Variants in HEATR5B observed in about 807,000 individuals in gnomAD.
The protein encoded by HEATR5B is HEAT repeat containing 5B.
HEATR5B carries 156 observed loss-of-function variants against 224.1 expected under a neutral mutation model. The ratio of observed to expected loss-of-function variants is 0.70; its 90% CI spans 0.61 to 0.80. The LOEUF (loss-of-function observed/expected upper bound fraction) is 0.80. Ranked by LOEUF, HEATR5B falls within the 30% of genes least tolerant of loss-of-function variation. The pLI, the probability that HEATR5B is intolerant of heterozygous loss-of-function variation, is 0.00. For synonymous variants in HEATR5B, 1,027 were observed against 893.0 expected, an observed-to-expected ratio of 1.15 and a Z score of -2.68; for missense variants, 2,323 against 2,535.5, an observed-to-expected ratio of 0.92 and a Z score of 1.80.
chr2:37,002,436 A>G lies in HEATR5B; in HGVS notation c.5187T>C (p.His1729=), dbSNP rs772257851. ...LMFILVRHMP[H]LSTKVSDSPS... ...GAGAGTCTGACACCTTGGTACTGAG[A>G]TGTGGCATATGCCGTACTAAAATGA... The change falls in exon 32 of 36, where the codon CAT becomes CAC. Residue 1729 remains histidine (H), a synonymous_variant. Transcript: ENST00000233099. 6.2e-6 allele frequency: 10 copies of G among 1,614,120 alleles called. No individual in the cohort carries two copies. The highest frequency in any genetic ancestry group is 7.6e-6 in the Non-Finnish European group (9 of 1,180,060).
At chr2:37,064,067 G>A (rs1221495158) in intron 10 of HEATR5B, among the ~76,000 whole-genome samples, 3 of 152,062 alleles carry the variant, frequency 2.0e-5, no homozygotes, top group African/African-American at 7.2e-5. Flanking sequence ...ACCTGCCTCG[G>A]CCTCTCAAAG....
intron 21 of HEATR5B, among the ~76,000 whole-genome samples, chr2:37,037,105 C>G (rs1669529002): frequency 7.8e-6 from 1 of 128,622 alleles, no homozygotes; most frequent in Non-Finnish European, 1.7e-5. Context: ...ATCAATCAAG[C>G]TTTAGGAAAT....
rs781121849 is a variant in HEATR5B, at chr2:37,003,590, T to C, written c.5002A>G (p.Ile1668Val). The C allele has an allele frequency of 1.2e-6, 2 of 1,611,864 alleles. No individual in the cohort carries two copies. Among genetic ancestry groups the C allele is most frequent in the Non-Finnish European group, 1.7e-6 (2 of 1,178,182 alleles). Residue 1668 changes from isoleucine to valine, a missense_variant, in exon 31 of 36, where the codon ATA (isoleucine) becomes GTA (valine). This residue lies in a region of HEATR5B where 844 missense variants were observed against 812.9 expected (regional missense o/e 1.04). Transcript: ENST00000233099. ...AAATAATCCTGAGCAGCTCTTACTA[T>C]CTGTTGTACAACTCCAGTAACCAAC... is the stretch of plus-strand genomic sequence containing the variant. ...QLLVTGVVQQ[I>V]VRAAQDYLQE...
At chr2:37,016,063 G>T (rs1015156381) in intron 26 of HEATR5B, among the ~76,000 whole-genome samples, 1 of 151,564 alleles carries the variant, frequency 6.6e-6, no homozygotes, top group African/African-American at 2.4e-5. Context: ...GAAGGAAGGG[G>T]TGGTCTCAGA....
chr2:37,073,733 A>C (rs755247654), intron 5 of HEATR5B, among the ~76,000 whole-genome samples: 12 of 152,224 alleles, frequency 7.9e-5, no homozygotes, highest in Non-Finnish European at 1.3e-4. Flanking sequence ...ATTCTCTCCA[A>C]ATTCAATGCA....
At position 37,077,039 on chromosome 2, in the gene HEATR5B, C is replaced by T. The variant is rs568871310; in HGVS notation, c.339-20G>A. 6.5e-7 allele frequency: 1 copy of T among 1,542,916 alleles called. No homozygotes were observed. Among genetic ancestry groups the T allele is most frequent in the South Asian group, 1.1e-5 (1 of 89,326 alleles). On this transcript the variant is annotated intron_variant, in intron 3 of 35. Transcript: ENST00000233099. ...GCAGCCCTGTAAGAAGTGACAACTT[C>T]ACTAGTCATTGTCCAGGTTAATGAT...
chr2:37,076,673 C>G (rs1672254860), intron 4 of HEATR5B, among the ~76,000 whole-genome samples: 1 of 146,214 alleles, frequency 6.8e-6, no homozygotes, highest in South Asian at 2.1e-4. Flanking sequence ...AAAAGCCAAT[C>G]CAAAAGTACC....
intron 8 of HEATR5B, among the ~76,000 whole-genome samples, chr2:37,066,179 A>G (rs1671576505): frequency 6.6e-6 from 1 of 152,228 alleles, no homozygotes. Flanking sequence ...GCAGCAATCC[A>G]GTGTATAAAA....
rs140774986 is a variant in HEATR5B at position 37,019,442 on chromosome 2, T to A, written c.4104+367A>T. Among the ~76,000 whole-genome samples the A allele has an allele frequency of 2.8e-4, 42 of 152,020 alleles. 2 individuals carry two copies. In the East Asian group the frequency reaches 6.8e-3, roughly 24 times the overall value. On this transcript the variant is annotated intron_variant, in intron 26 of 35. Transcript: ENST00000233099. ...TGTATTTCCAAGATAAAAATATTAT[T>A]TTGTTTTTCCTCTCTCTCTTTTTTT...
intron 2 of HEATR5B, among the ~76,000 whole-genome samples, chr2:37,081,632 T>C (rs1408415045): frequency 2.0e-5 from 3 of 152,160 alleles, no homozygotes; most frequent in Non-Finnish European, 4.4e-5. Flanking sequence ...GAGAGTCTAA[T>C]AAGCAGAAAG....
rs74900447 is a variant in HEATR5B at position 37,040,078 on chromosome 2, G to A, written c.3046+251C>T. The stretch of plus-strand genomic sequence containing the variant: ...TAACTTTCTTTTCATGGGACTCCAA[G>A]TAAAATTTCATTTAAAATGTTTTCT... On this transcript the variant is annotated intron_variant, in intron 20 of 35. Transcript: ENST00000233099. Among the ~76,000 whole-genome samples, 21 of 152,268 alleles carry A rather than the reference G, an allele frequency of 1.4e-4. 1 individual carries two copies. In the East Asian group the frequency reaches 4.1e-3, roughly 29 times the overall value.
At chr2:36,988,218 A>T (rs1034424419) in intron 35 of HEATR5B, among the ~76,000 whole-genome samples, 1 of 151,938 alleles carries the variant, frequency 6.6e-6, no homozygotes, top group East Asian at 1.9e-4. Context: ...CAAAGAAAAA[A>T]ATCAACTCAC....
intron 21 of HEATR5B, 58 bp downstream of exon 21, chr2:37,037,797 T>C: frequency 7.6e-7 from 1 of 1,316,648 alleles, no homozygotes; most frequent in Admixed American, 2.9e-5. Context: ...AAAAAATTTT[T>C]TAAATGTAAA....
intron 2 of HEATR5B, 96 bp downstream of exon 2, chr2:37,083,193 A>G (rs1572963967): frequency 7.0e-7 from 1 of 1,434,136 alleles, no homozygotes; most frequent in Middle Eastern, 1.7e-4. Flanking sequence ...TAAGTGACCC[A>G]TAAACCTTCC....
At chr2:37,033,271 C>G (rs1669253671) in intron 21 of HEATR5B, among the ~76,000 whole-genome samples, 1 of 152,034 alleles carries the variant, frequency 6.6e-6, no homozygotes, top group South Asian at 2.1e-4. Context: ...GGCCTTTTGA[C>G]AAAATACTAC....
At chr2:37,027,196 T>C (rs1572838128) in intron 24 of HEATR5B, among the ~76,000 whole-genome samples, 1 of 152,316 alleles carries the variant, frequency 6.6e-6, no homozygotes, top group East Asian at 1.9e-4. Context: ...ACGTCAATAT[T>C]GTTAACACAT....
Position 37,068,774 on chromosome 2 carries a change from T to G in HEATR5B, c.1084A>C (p.Arg362=). 3 of 1,614,156 alleles carry G rather than the reference T, an allele frequency of 1.9e-6. No homozygotes were observed. Among genetic ancestry groups the G allele is most frequent in the Non-Finnish European group, 2.5e-6 (3 of 1,180,038 alleles). Residue 362 remains arginine, a synonymous_variant, in exon 8 of 36, where the codon AGA becomes CGA. Coordinates refer to ENST00000233099, the MANE Select transcript of HEATR5B (RefSeq NM_019024.3). The part of the protein sequence containing the change: ...YSRRCVSFIL[R]ATVGSLLGEK... ...CCTAGCAAACTGCCCACAGTAGCTC[T>G]TAGGATAAAGGAAACACATCGTCTG...
intron 19 of HEATR5B, 133 bp from the exon 20 acceptor site, chr2:37,040,651 G>A: frequency 3.3e-6 from 2 of 610,028 alleles, no homozygotes. Flanking sequence ...AATCCAGATT[G>A]TAGGATGTTT....
chr2:37,028,216 C>G (rs777613414), intron 23 of HEATR5B, 42 bp from the exon 24 acceptor site: 3 of 1,314,548 alleles, frequency 2.3e-6, no homozygotes, highest in Non-Finnish European at 3.1e-6. Context: ...CTCACATAAG[C>G]AAAAATGATC....
Sources: allele counts gnomAD v4.1 joint callset (sites outside exome capture counted in the v4.1 genomes callset), GRCh38; gene constraint gnomAD v4.1.1; regional missense constraint gnomAD v4.1.1; transcripts MANE v1.5; gene names NCBI Gene and HGNC (gene_info 2026-07-23, HGNC 2026-07-21).